Variants in FRMD4B observed in about 807,000 individuals in gnomAD.
The protein encoded by FRMD4B is FERM domain containing 4B, also known as FERM domain-containing protein 4B.
A neutral mutation model predicts 141.5 loss-of-function variants in FRMD4B; 74 were observed. That is an observed-to-expected ratio of 0.52 (90% confidence interval 0.43 to 0.63). FRMD4B has a LOEUF of 0.63. Ranked by LOEUF, FRMD4B falls within the 30% of genes least tolerant of loss-of-function variation. The pLI is 0.00. For synonymous variants in FRMD4B, 506 were observed against 467.9 expected (o/e 1.08, Z -1.05); for missense variants, 1,366 against 1,253.4 (o/e 1.09, Z -1.36).
Position 69,456,845 on chromosome 3 carries a change from C to T in FRMD4B, c.-128-24084G>A, listed in dbSNP as rs537121010. ...ATAAAGTTTTATTGGAGCACAGCCA[C>T]ACTCTTTCTTTTACATGTTGTCTAT... On this transcript the variant is annotated intron_variant, in intron 1 of 5. Coordinates refer to the FRMD4B transcript ENST00000459638. Among the ~76,000 whole-genome samples, 154 of 152,098 alleles carry T rather than the reference C, an allele frequency of 1.0e-3. 2 individuals are homozygous for T. Among genetic ancestry groups the T allele is most frequent in the East Asian group, 7.7e-4 (4 of 5,174 alleles).
intron 1 of FRMD4B, among the ~76,000 whole-genome samples, chr3:69,470,917 G>C (rs748107738): frequency 6.6e-6 from 1 of 152,140 alleles, no homozygotes; most frequent in Non-Finnish European, 1.5e-5. Flanking sequence ...CCACATGGCC[G>C]ACAGGCTTGA....
chr3:69,226,818 A>C (rs1326095441), intron 7 of FRMD4B, among the ~76,000 whole-genome samples: 1 of 152,216 alleles, frequency 6.6e-6, no homozygotes, highest in Non-Finnish European at 1.5e-5. Flanking sequence ...ATAGGGAAAG[A>C]AGTGAGGGAG....
At chr3:69,424,234 G>A (rs1291882928) in intron 2 of FRMD4B, among the ~76,000 whole-genome samples, 5 of 152,140 alleles carry the variant, frequency 3.3e-5, no homozygotes, top group Admixed American at 2.0e-4. Context: ...TTCAGTATTT[G>A]CTAATTTGGT....
intron 1 of FRMD4B, among the ~76,000 whole-genome samples, chr3:69,475,172 T>A (rs1705964150): frequency 6.6e-6 from 1 of 152,116 alleles, no homozygotes. Context: ...GCTAATTTCC[T>A]GACCTGTGTT....
upstream of FRMD4B, among the ~76,000 whole-genome samples, chr3:69,388,122 C>T (rs556313190): frequency 6.6e-6 from 1 of 151,634 alleles, no homozygotes; most frequent in Non-Finnish European, 1.5e-5. Context: ...ACTGTGTTCT[C>T]GGAAATGTCA....
intron 5 of FRMD4B, among the ~76,000 whole-genome samples, chr3:69,285,783 G>A (rs1016182935): frequency 1.3e-5 from 2 of 151,996 alleles, no homozygotes; most frequent in Admixed American, 6.6e-5. Flanking sequence ...GGCAGAAGTT[G>A]CGGTGATCTG....
intron 2 of FRMD4B, among the ~76,000 whole-genome samples, chr3:69,430,175 C>T (rs1039087341): frequency 6.6e-6 from 1 of 152,138 alleles, no homozygotes; most frequent in African/African-American, 2.4e-5. Flanking sequence ...GGAATGCACA[C>T]ATACAGCTAT....
At chr3:69,519,018 T>C (rs888989021) in intron 1 of FRMD4B, among the ~76,000 whole-genome samples, 3 of 152,160 alleles carry the variant, frequency 2.0e-5, no homozygotes, top group African/African-American at 7.2e-5. Context: ...GGTGTGGGCA[T>C]GGCACAAGAA....
At position 69,232,861 on chromosome 3, in the gene FRMD4B, T is replaced by TA. The variant is rs961723641; in HGVS notation, c.582-8172dup. On this transcript the variant is annotated intron_variant, in intron 7 of 22. Transcript: ENST00000398540. ...GGCATCCTCCATTTGTAGAACAGCT[T>TA]AAAAAAAAAAAATGCCCAAGCCCCA... Among the ~76,000 whole-genome samples the TA allele has an allele frequency of 1.7e-3, 245 of 141,924 alleles. 1 individual carries two copies. Among genetic ancestry groups the TA allele is most frequent in the African/African-American group, 5.1e-3 (201 of 39,080 alleles). The allele number at this position is 141,924 out of a possible 152,430, so 93.1% of individuals were successfully genotyped here.
In FRMD4B at chr3:69,370,446, T is replaced by A. The variant is rs1055107110; in HGVS notation, c.162+15382A>T. Among the ~76,000 whole-genome samples, 5 of 152,272 alleles carry A rather than the reference T, an allele frequency of 3.3e-5. No homozygotes were observed. In the East Asian group the frequency reaches 9.7e-4, roughly 29 times the overall value. ...TGGCAGTACACACAAGCTGGTGTCC[T>A]TGAGGGAGCCCACTGGCACCAGGGT... is the stretch of plus-strand genomic sequence containing the variant. On this transcript the variant is annotated intron_variant, in intron 1 of 22. Coordinates refer to ENST00000398540, the MANE Select transcript of FRMD4B (RefSeq NM_015123.3).
intron 7 of FRMD4B, among the ~76,000 whole-genome samples, chr3:69,240,267 G>T (rs1434946571): frequency 2.6e-5 from 4 of 151,816 alleles, no homozygotes; most frequent in Non-Finnish European, 4.4e-5. Flanking sequence ...GGAACCCAAG[G>T]TCAGAAGATC....
rs1559790180 is a variant in FRMD4B at position 69,301,926 on chromosome 3, T to TCTGTACA, written c.416+416_416+417insTGTACAG. ...GGCATCAAATTGTACAGAATTCAAT[T>TCTGTACA]ATTTTTAAGTCTGTAGAAAACATTA... is the stretch of plus-strand genomic sequence containing the variant. On this transcript the variant is annotated intron_variant, in intron 4 of 22. Coordinates refer to ENST00000398540, the MANE Select transcript of FRMD4B (RefSeq NM_015123.3). 2.0e-5 allele frequency among the ~76,000 whole-genome samples: 3 copies of TCTGTACA among 152,350 alleles called. No homozygotes were observed. The East Asian group carries it at 5.8e-4, about 29-fold the overall frequency.
At chr3:69,380,462 C>G (rs1441460239) in intron 1 of FRMD4B, among the ~76,000 whole-genome samples, 2 of 152,166 alleles carry the variant, frequency 1.3e-5, no homozygotes, top group African/African-American at 2.4e-5. Context: ...CCAGAGCTAA[C>G]ATTTATTGAG....
At chr3:69,515,639 G>T (rs1700745576) in intron 1 of FRMD4B, among the ~76,000 whole-genome samples, 1 of 151,824 alleles carries the variant, frequency 6.6e-6, no homozygotes, top group Non-Finnish European at 1.5e-5. Flanking sequence ...CATCATTGTG[G>T]CCAAAAATAA....
chr3:69,292,829 TTTTG>T, intron 4 of FRMD4B: 3 of 198,902 alleles, frequency 1.5e-5, no homozygotes, highest in South Asian at 7.2e-5. Flanking sequence ...TTTTTTTTTT[TTTTG>T]CAAAAGGATA....
At chr3:69,282,350 G>C (rs1310936544) in intron 5 of FRMD4B, among the ~76,000 whole-genome samples, 1 of 152,112 alleles carries the variant, frequency 6.6e-6, no homozygotes, top group Non-Finnish European at 1.5e-5. Flanking sequence ...CAGTGTGGAG[G>C]GGGGGCCCGT....
chr3:69,285,157 C>G (rs919174061), intron 5 of FRMD4B, among the ~76,000 whole-genome samples: 2 of 152,060 alleles, frequency 1.3e-5, no homozygotes, highest in Middle Eastern at 3.2e-3. Context: ...GAGTGAGACT[C>G]TGTCTCAAAA....
At chr3:69,439,062 TG>T (rs1705304284) in intron 1 of FRMD4B, among the ~76,000 whole-genome samples, 1 of 5,120 alleles carries the variant, frequency 2.0e-4, no homozygotes, top group Non-Finnish European at 2.8e-4. Flanking sequence ...TGTGTGTGTA[TG>T]TGTGTGTGTG....
intron 3 of FRMD4B, 38 bp downstream of exon 3, chr3:69,311,225 G>T: frequency 1.0e-6 from 1 of 973,726 alleles, no homozygotes; most frequent in Non-Finnish European, 1.6e-6. Context: ...GGTAGCCCAG[G>T]CAAAAGGTAA....
Sources: gnomAD v4.1 joint callset for allele counts (sites outside exome capture counted in the v4.1 genomes callset) on GRCh38, gnomAD v4.1.1 for gene constraint, MANE v1.5 for transcripts, NCBI Gene and HGNC (gene_info 2026-07-23, HGNC 2026-07-21) for gene names.